The following PLAT variants were observed in gnomAD, a reference collection of about 807,000 sequenced individuals.
The protein encoded by PLAT is tissue-type plasminogen activator.
A neutral mutation model predicts 74.9 loss-of-function variants in PLAT; 48 were observed. The observed-to-expected ratio is 0.64, with a 90% CI of 0.51 to 0.82. The LOEUF is 0.82. Among genes scored for constraint, PLAT ranks in the 40% least tolerant of loss-of-function variants. PLAT has a pLI of 0.00. For synonymous variants in PLAT, 307 were observed against 294.4 expected (o/e 1.04, Z -0.44); for missense variants, 673 against 736.2 (o/e 0.91, Z 0.99).
At chr8:42,186,153 G>GTTTTTT (rs34606168) in intron 6 of PLAT, 1 of 146,024 alleles carries the variant, frequency 6.8e-6, no homozygotes, top group African/African-American at 2.5e-5. Context: ...TAGCTGCAAA[G>GTTTTTT]TTTTTTTTTT....
intron 7 of PLAT, among the ~76,000 whole-genome samples, chr8:42,183,241 G>A (rs1365325768): frequency 3.9e-5 from 6 of 152,186 alleles, no homozygotes; most frequent in Admixed American, 1.3e-4. Flanking sequence ...AACATCAGGT[G>A]ATCTGCCCGC....
chr8:42,194,063 T>G (rs1307151508), intron 1 of PLAT, among the ~76,000 whole-genome samples: 1 of 135,908 alleles, frequency 7.4e-6, no homozygotes. Flanking sequence ...TTTTTTTTTT[T>G]TTTTTTTGAG....
In PLAT at chr8:42,203,992, T is replaced by TATACACACAC. The variant is rs1554499838; in HGVS notation, c.-27+3501_-27+3502insGTGTGTGTAT. Among the ~76,000 whole-genome samples, 28 of 109,862 alleles carry TATACACACAC rather than the reference T, an allele frequency of 2.5e-4. 1 individual carries two copies. Among genetic ancestry groups the TATACACACAC allele is most frequent in the African/African-American group, 1.4e-3 (27 of 19,350 alleles). 72.1% of individuals were successfully genotyped at this position (109,862 alleles called of 152,430 possible). ...AATTATATATATATATATATATATA[T>TATACACACAC]ACACACACACACACACACACACACA... On this transcript the variant is annotated intron_variant, in intron 1 of 13. Transcript: ENST00000220809.
chr8:42,181,788 T>G, intron 9 of PLAT, 149 bp downstream of exon 9: 1 of 256,978 alleles, frequency 3.9e-6, no homozygotes, highest in Non-Finnish European at 7.7e-6. Context: ...CCACCGTGGC[T>G]TCAGTCATGG....
chr8:42,187,755 G>T, intron 5 of PLAT, 151 bp downstream of exon 5: 1 of 737,570 alleles, frequency 1.4e-6, no homozygotes, highest in Non-Finnish European at 2.2e-6. Flanking sequence ...TTGCTGTGTG[G>T]CACTGTGCTT....
chr8:42,179,794 GGAGACGGGACTGGCGTCAGTGCCT>G, intron 12 of PLAT, 108 bp downstream of exon 12: 1 of 895,598 alleles, frequency 1.1e-6, no homozygotes, highest in South Asian at 1.8e-5. Flanking sequence ...CACGACACAG[GGAGACGGGACTGGCGTCAGTGCCT>G]GACCCGGGGC....
At chr8:42,192,706 A>G (rs1805732380) in intron 2 of PLAT, among the ~76,000 whole-genome samples, 1 of 152,212 alleles carries the variant, frequency 6.6e-6, no homozygotes, top group Non-Finnish European at 1.5e-5. Flanking sequence ...ACACCATTCT[A>G]TATGAGGAAC....
chr8:42,190,375 T>C (rs899845349), intron 3 of PLAT, among the ~76,000 whole-genome samples: 2 of 152,216 alleles, frequency 1.3e-5, no homozygotes, highest in East Asian at 3.8e-4. Flanking sequence ...GCAGAAAATG[T>C]GCTACTTCTC....
At chr8:42,194,208 G>T (rs1315343050) in intron 1 of PLAT, among the ~76,000 whole-genome samples, 1 of 150,046 alleles carries the variant, frequency 6.7e-6, no homozygotes, top group Non-Finnish European at 1.5e-5. Flanking sequence ...GTGCCACTGT[G>T]CCTGGCTGAG....
At chr8:42,179,118 T>G in intron 12 of PLAT, 55 bp from the exon 13 acceptor site, 2 of 1,457,042 alleles carry the variant, frequency 1.4e-6, no homozygotes, top group Non-Finnish European at 1.9e-6. Context: ...TAAACGTTTT[T>G]GAAAGAGAAA....
In PLAT at chr8:42,187,956, T is replaced by C; in HGVS notation, c.314A>G (p.Asp105Gly). 6.2e-7 allele frequency: 1 copy of C among 1,613,882 alleles called. No individual in the cohort carries two copies. The highest frequency in any genetic ancestry group is 8.5e-7 in the Non-Finnish European group (1 of 1,179,774). ...TCCTTCGGGGCACTGGCACACGAAATCTGAGAAGTACAGGGCCTGCTGGCA... is the reference window on the plus strand; with the variant it reads ...TCCTTCGGGGCACTGGCACACGAAACCTGAGAAGTACAGGGCCTGCTGGCA... The part of the protein sequence containing the change: ...GTCQQALYFS[D>G]FVCQCPEGFA... The change falls in exon 5 of 14, where the codon GAT (aspartate) becomes GGT (glycine). Residue 105 changes from aspartate to glycine, a missense_variant. Coordinates refer to ENST00000220809, the MANE Select transcript of PLAT (RefSeq NM_000930.5).
chr8:42,187,204 TCTATCAC>T (rs1296346037), intron 6 of PLAT, 187 bp downstream of exon 6: 2 of 494,700 alleles, frequency 4.0e-6, no homozygotes, highest in African/African-American at 1.9e-5. Context: ...ATTTATCTAA[TCTATCAC>T]CTATCATCTA....
chr8:42,180,444 T>C (rs201653314), intron 10 of PLAT, 46 bp downstream of exon 10: 3 of 1,613,838 alleles, frequency 1.9e-6, no homozygotes, highest in Non-Finnish European at 2.5e-6. Context: ...GCTTGGTTTC[T>C]AGGCGTTAGA....
intron 11 of PLAT, 37 bp from the exon 12 acceptor site, chr8:42,180,103 G>A: frequency 2.5e-6 from 4 of 1,593,086 alleles, no homozygotes; most frequent in East Asian, 2.2e-5. Flanking sequence ...TGGCGTGAGG[G>A]CCGCGTCCCC....
chr8:42,196,841 A>G (rs967312024), intron 1 of PLAT, among the ~76,000 whole-genome samples: 1 of 152,060 alleles, frequency 6.6e-6, no homozygotes, highest in African/African-American at 2.4e-5. Context: ...AACTGAAAAA[A>G]AAAAAGGCAA....
Position 42,180,818 on chromosome 8 carries a change from C to T in PLAT, c.890-133G>A, listed in dbSNP as rs1361628081. 4.6e-6 allele frequency: 3 copies of T among 653,694 alleles called. No individual in the cohort carries two copies. In the African/African-American group the frequency reaches 5.5e-5, roughly 12 times the overall value. 40.5% of individuals were successfully genotyped at this position (653,694 alleles called of 1,614,324 possible). On this transcript the variant is annotated intron_variant, in intron 9 of 13. Transcript: ENST00000220809. ...GTGGGATCAGCATGCCGAATGTTGT[C>T]CATACATTCTCTTTAGTTCCCACAG... is the stretch of plus-strand genomic sequence containing the variant.
At chr8:42,204,766 G>A (rs961244626) in intron 1 of PLAT, among the ~76,000 whole-genome samples, 1 of 150,636 alleles carries the variant, frequency 6.6e-6, no homozygotes, top group African/African-American at 2.4e-5. Flanking sequence ...GCTCATGCCT[G>A]TAATCCCAGC....
chr8:42,202,700 C>T (rs1301522616), intron 1 of PLAT, among the ~76,000 whole-genome samples: 3 of 152,110 alleles, frequency 2.0e-5, no homozygotes, highest in Admixed American at 2.0e-4. Context: ...TGATGAATAA[C>T]TAGACACTCA....
At chr8:42,203,265 A>G (rs926816392) in intron 1 of PLAT, among the ~76,000 whole-genome samples, 1 of 152,168 alleles carries the variant, frequency 6.6e-6, no homozygotes, top group African/African-American at 2.4e-5. Context: ...AATCCTCAAA[A>G]AAACTTCCCT....
Sources: allele counts gnomAD v4.1 joint callset (sites outside exome capture counted in the v4.1 genomes callset), GRCh38; gene constraint gnomAD v4.1.1; transcripts MANE v1.5; gene names NCBI Gene and HGNC (gene_info 2026-07-23, HGNC 2026-07-21).